Variants in PDE1C observed in about 807,000 individuals in gnomAD.
PDE1C encodes the protein dual specificity calcium/calmodulin-dependent 3',5'-cyclic nucleotide phosphodiesterase 1C.
In PDE1C, 62 loss-of-function variants were observed where a neutral mutation model predicts 93.1. The observed-to-expected ratio is 0.67, with a 90% CI of 0.54 to 0.82. The LOEUF is 0.82. Ranked by LOEUF, PDE1C falls within the 40% of genes least tolerant of loss-of-function variation. The probability of loss-of-function intolerance (pLI) is 0.00; values close to 1 mark genes in which losing one functional copy is unlikely to be tolerated. For synonymous variants in PDE1C, 325 were observed against 310.1 expected, an observed-to-expected ratio of 1.05 and a Z score of -0.50; for missense variants, 742 against 884.6, an observed-to-expected ratio of 0.84 and a Z score of 2.04.
Position 32,374,297 on chromosome 7 carries a change from AAG to A in PDE1C, c.310+53523_310+53524del, listed in dbSNP as rs879835245. 1.3e-4 allele frequency among the ~76,000 whole-genome samples: 20 copies of A among 150,044 alleles called. 1 individual carries two copies. Among genetic ancestry groups the A allele is most frequent in the African/African-American group, 4.3e-4 (17 of 39,594 alleles). Reference sequence around the variant, plus strand: ...AAAGAAAGAAAGAAAGAAAGAAAGAAAGAAAGAAAGAAGAAAAGAAAAGAAAA... The same window carrying A: ...AAAGAAAGAAAGAAAGAAAGAAAGAAAAAGAAAGAAGAAAAGAAAAGAAAA... On this transcript the variant is annotated intron_variant, in intron 1 of 1. Transcript: ENST00000672256.
chr7:31,656,966 C>T, the PDE1C span, among the ~76,000 whole-genome samples: 1 of 148,810 alleles, frequency 6.7e-6, no homozygotes, highest in Non-Finnish European at 1.5e-5. Flanking sequence ...ATACCACCCC[C>T]GATTCTCAGG....
chr7:32,323,200 G>A (rs1783333445), intron 1 of PDE1C, among the ~76,000 whole-genome samples: 1 of 152,180 alleles, frequency 6.6e-6, no homozygotes, highest in Non-Finnish European at 1.5e-5. Flanking sequence ...AGAATGTTGT[G>A]CTGGTAAAAA....
intron 2 of PDE1C, among the ~76,000 whole-genome samples, chr7:31,883,916 T>C (rs1354311218): frequency 3.3e-5 from 5 of 152,242 alleles, no homozygotes; most frequent in African/African-American, 9.6e-5. Context: ...GTCACATTTA[T>C]GCATTCAGTG....
At position 31,751,725 on chromosome 7, in the gene PDE1C, TTC is replaced by T. The variant is rs1161137218; in HGVS notation, c.*1657_*1658del. The T allele has an allele frequency of 1.3e-5, 2 of 152,166 alleles. No homozygotes were observed. The highest frequency in any genetic ancestry group is 4.8e-5 in the African/African-American group (2 of 41,452). 9.4% of individuals were successfully genotyped at this position (152,166 alleles called of 1,614,324 possible). On this transcript the variant is annotated 3_prime_UTR_variant, in exon 18 of 18. Coordinates refer to ENST00000396191, the MANE Select transcript of PDE1C (RefSeq NM_001191057.4). ...TCGTCTTTTTGTATAGCAATTAAAT[TTC>T]TCTGAAGTATCATCATAAAGCACAT...
intron 2 of PDE1C, among the ~76,000 whole-genome samples, chr7:31,993,798 T>C (rs1412031964): frequency 3.3e-5 from 5 of 152,210 alleles, no homozygotes; most frequent in Non-Finnish European, 7.3e-5. Context: ...TTTTAATCTT[T>C]CTCAGTTTCT....
At chr7:32,291,832 C>A (rs551390514) in intron 1 of PDE1C, among the ~76,000 whole-genome samples, 5 of 152,266 alleles carry the variant, frequency 3.3e-5, no homozygotes, top group African/African-American at 1.2e-4. Flanking sequence ...GGGCAGGAAT[C>A]GCAGAGATTT....
In PDE1C at chr7:32,054,834, A is replaced by G. The variant is rs540792099; in HGVS notation, c.102-3254T>C. Among the ~76,000 whole-genome samples the G allele has an allele frequency of 4.6e-5, 7 of 152,344 alleles. No homozygotes were observed. In the South Asian group the frequency reaches 1.4e-3, roughly 32 times the overall value. On this transcript the variant is annotated intron_variant, in intron 1 of 17. Coordinates refer to ENST00000396191, the MANE Select transcript of PDE1C (RefSeq NM_001191057.4). ...GGTCAGCTCTTAAAGCACAAGAGAA[A>G]ATGCAACTCATAAAAATTACTCAAG...
intron 2 of PDE1C, among the ~76,000 whole-genome samples, chr7:32,035,236 T>C (rs1331344573): frequency 6.6e-6 from 1 of 152,028 alleles, no homozygotes; most frequent in African/African-American, 2.4e-5. Context: ...GAGACATGCC[T>C]GCCCCAAGAT....
chr7:32,295,699 G>T (rs1812575504), intron 1 of PDE1C, among the ~76,000 whole-genome samples: 1 of 152,054 alleles, frequency 6.6e-6, no homozygotes, highest in Non-Finnish European at 1.5e-5. Context: ...AGACCATCCT[G>T]GCTAACACAC....
intron 2 of PDE1C, among the ~76,000 whole-genome samples, chr7:31,923,055 T>A (rs1327342951): frequency 1.3e-5 from 2 of 152,192 alleles, no homozygotes; most frequent in African/African-American, 4.8e-5. Context: ...CAGTGACATA[T>A]GTTGAATCAA....
the PDE1C span, chr7:31,707,444 CCT>C: frequency 1.7e-6 from 1 of 595,028 alleles, no homozygotes; most frequent in Non-Finnish European, 3.0e-6. Flanking sequence ...TTGCCAGTCA[CCT>C]CTTTGTCTCT....
intron 6 of PDE1C, among the ~76,000 whole-genome samples, chr7:31,872,052 G>GA (rs59521919): frequency 1 from 151,896 of 152,312 alleles, 75,742 homozygotes; most frequent in East Asian, 1. Context: ...CCATAAAAAA[G>GA]ATGAAATCAT....
At chr7:32,047,421 A>G (rs925404505) in intron 2 of PDE1C, among the ~76,000 whole-genome samples, 15 of 152,108 alleles carry the variant, frequency 9.9e-5, no homozygotes, top group African/African-American at 3.6e-4. Context: ...TGGATTTAAA[A>G]CCCAATCCAA....
intron 3 of PDE1C, among the ~76,000 whole-genome samples, chr7:32,165,939 C>A (rs1802227444): frequency 6.6e-6 from 1 of 151,978 alleles, no homozygotes; most frequent in African/African-American, 2.4e-5. Context: ...GCCCAACAAT[C>A]TGTTTTAACA....
intron 1 of PDE1C, among the ~76,000 whole-genome samples, chr7:32,426,988 G>A (rs1379584097): frequency 6.6e-6 from 1 of 152,150 alleles, no homozygotes; most frequent in African/African-American, 2.4e-5. Flanking sequence ...TCCAGTGTAA[G>A]AGATTTTTTT....
At chr7:32,002,863 T>C (rs928722820) in intron 2 of PDE1C, among the ~76,000 whole-genome samples, 1 of 152,204 alleles carries the variant, frequency 6.6e-6, no homozygotes, top group Non-Finnish European at 1.5e-5. Context: ...CAACATGGAA[T>C]GAAAAAGTTT....
the PDE1C span, among the ~76,000 whole-genome samples, chr7:31,634,747 T>G: frequency 6.6e-6 from 1 of 152,108 alleles, no homozygotes; most frequent in African/African-American, 2.4e-5. Flanking sequence ...CACAACTGGT[T>G]TGGAACAGGA....
intron 14 of PDE1C, among the ~76,000 whole-genome samples, chr7:31,822,326 C>T (rs765037314): frequency 1.3e-5 from 2 of 152,052 alleles, no homozygotes; most frequent in Non-Finnish European, 2.9e-5. Flanking sequence ...AGTGTCAGAC[C>T]CCTTATCTCA....
chr7:32,071,187 G>A (rs1796024461), upstream of PDE1C: 1 of 985,442 alleles, frequency 1.0e-6, no homozygotes. Context: ...GGAGCTGCGT[G>A]GGCTTCCGGA....
Sources: gnomAD v4.1 joint callset for allele counts (sites outside exome capture counted in the v4.1 genomes callset) on GRCh38, gnomAD v4.1.1 for gene constraint, MANE v1.5 for transcripts, NCBI Gene and HGNC (gene_info 2026-07-23, HGNC 2026-07-21) for gene names.